FMNL2: variants seen among roughly 807,000 people sequenced by gnomAD.
FMNL2 encodes the protein formin-like protein 2.
In FMNL2, 51 loss-of-function variants were observed where a neutral mutation model predicts 130.2. The ratio of observed to expected loss-of-function variants is 0.39; its 90% confidence interval spans 0.31 to 0.49. The LOEUF is 0.49. Ranked by LOEUF, FMNL2 falls within the 20% of genes least tolerant of loss-of-function variation. The pLI is 0.85. For synonymous variants in FMNL2, 465 were observed against 467.1 expected, an observed-to-expected ratio of 1.00 and a Z score of 0.06; for missense variants, 977 against 1,316.2, an observed-to-expected ratio of 0.74 and a Z score of 3.99.
Position 152,471,725 on chromosome 2 carries a change from G to A in FMNL2, c.118-50218G>A, listed in dbSNP as rs1054473809. The stretch of plus-strand genomic sequence containing the variant: ...TGGCTTGGAGGCCTGTTACGAGTTC[G>A]TTTGAGGTTCTGGATGATGGTGATG... On this transcript the variant is annotated intron_variant, in intron 1 of 25. Coordinates refer to ENST00000288670, the MANE Select transcript of FMNL2 (RefSeq NM_052905.4). Among the ~76,000 whole-genome samples, 13 of 152,138 alleles carry A rather than the reference G, an allele frequency of 8.5e-5. No homozygotes were observed. The East Asian group carries it at 2.3e-3, about 27-fold the overall frequency.
At chr2:152,581,785 A>G (rs892559433) in intron 9 of FMNL2, among the ~76,000 whole-genome samples, 2 of 152,218 alleles carry the variant, frequency 1.3e-5, no homozygotes, top group Non-Finnish European at 2.9e-5. Flanking sequence ...GAGAAATTAC[A>G]AAGTAGTCCT....
At chr2:152,410,738 C>T (rs1686236515) in intron 1 of FMNL2, among the ~76,000 whole-genome samples, 1 of 152,200 alleles carries the variant, frequency 6.6e-6, no homozygotes, top group Admixed American at 6.5e-5. Context: ...TTTTTATTCC[C>T]TTAACATAAA....
At chr2:152,643,125 G>C (rs879513424) in intron 25 of FMNL2, among the ~76,000 whole-genome samples, 1 of 152,038 alleles carries the variant, frequency 6.6e-6, no homozygotes, top group Non-Finnish European at 1.5e-5. Flanking sequence ...TTTTCTATTT[G>C]CTTGATCTAA....
At chr2:152,570,083 T>G (rs1215395199) in intron 6 of FMNL2, among the ~76,000 whole-genome samples, 3 of 152,190 alleles carry the variant, frequency 2.0e-5, no homozygotes, top group Non-Finnish European at 4.4e-5. Flanking sequence ...ATACTAGCAT[T>G]GAGTTATAAC....
chr2:152,422,884 G>A (rs949230216), intron 1 of FMNL2, among the ~76,000 whole-genome samples: 2 of 152,062 alleles, frequency 1.3e-5, no homozygotes, highest in African/African-American at 2.4e-5. Flanking sequence ...AATCTAATTT[G>A]GAAATACTTC....
At chr2:152,352,325 G>T in intron 1 of FMNL2, among the ~76,000 whole-genome samples, 1 of 152,130 alleles carries the variant, frequency 6.6e-6, no homozygotes, top group East Asian at 1.9e-4. Context: ...TGAAAGGTAG[G>T]TATATCCCTG....
chr2:152,568,999 A>T (rs568593308), intron 6 of FMNL2, among the ~76,000 whole-genome samples: 10 of 152,258 alleles, frequency 6.6e-5, no homozygotes, highest in Admixed American at 2.0e-4. Context: ...TAGACACACC[A>T]CTTAGTACTT....
intron 1 of FMNL2, among the ~76,000 whole-genome samples, chr2:152,357,099 T>G: frequency 8.1e-6 from 1 of 123,652 alleles, no homozygotes; most frequent in African/African-American, 3.4e-5. Context: ...TTACATAAGT[T>G]TAATGTATCA....
At chr2:152,548,071 C>T (rs979277903) in intron 3 of FMNL2, among the ~76,000 whole-genome samples, 30 of 152,194 alleles carry the variant, frequency 2.0e-4, no homozygotes, top group African/African-American at 5.1e-4. Context: ...AAAGAAGCCC[C>T]GAGGGATTCC....
At chr2:152,584,652 C>T (rs767527481) in intron 9 of FMNL2, among the ~76,000 whole-genome samples, 7 of 152,124 alleles carry the variant, frequency 4.6e-5, no homozygotes, top group Non-Finnish European at 8.8e-5. Flanking sequence ...GATTTTTCCC[C>T]CTCTACCTCT....
intron 1 of FMNL2, among the ~76,000 whole-genome samples, chr2:152,443,960 C>T (rs1353686295): frequency 1.3e-5 from 2 of 152,180 alleles, no homozygotes; most frequent in South Asian, 2.1e-4. Flanking sequence ...GGAAGTCCGT[C>T]GTGCATTCAC....
chr2:152,498,477 C>T (rs532591870), intron 1 of FMNL2, among the ~76,000 whole-genome samples: 1 of 152,188 alleles, frequency 6.6e-6, no homozygotes, highest in South Asian at 2.1e-4. Context: ...TTTATATTAT[C>T]TGGGTTGTCA....
At chr2:152,480,633 T>TAAAAAA (rs58943356) in intron 1 of FMNL2, among the ~76,000 whole-genome samples, 5 of 37,388 alleles carry the variant, frequency 1.3e-4, no homozygotes, top group East Asian at 1.1e-3. Flanking sequence ...AGACTCTGTC[T>TAAAAAA]AAAAAAAAAA....
At chr2:152,389,338 ATAAG>A in intron 1 of FMNL2, among the ~76,000 whole-genome samples, 1 of 152,308 alleles carries the variant, frequency 6.6e-6, no homozygotes. Flanking sequence ...AGCAGAAAGG[ATAAG>A]TAAGCTCTCT....
chr2:152,498,602 A>G (rs1356427564), intron 1 of FMNL2, among the ~76,000 whole-genome samples: 2 of 152,110 alleles, frequency 1.3e-5, no homozygotes, highest in African/African-American at 2.4e-5. Flanking sequence ...TATTACTTCT[A>G]TGTTGTCACA....
intron 1 of FMNL2, among the ~76,000 whole-genome samples, chr2:152,505,015 G>C (rs73016035): frequency 0.024 from 3,721 of 152,278 alleles, 160 homozygotes; most frequent in African/African-American, 0.085. Context: ...CAGAAATCAA[G>C]TTAGAGGGAT....
chr2:152,573,620 C>T (rs761631400), intron 6 of FMNL2, among the ~76,000 whole-genome samples: 1 of 152,044 alleles, frequency 6.6e-6, no homozygotes, highest in Non-Finnish European at 1.5e-5. Flanking sequence ...TGTTATTGGT[C>T]GTGATGGAGG....
intron 1 of FMNL2, among the ~76,000 whole-genome samples, chr2:152,341,157 C>A (rs917898455): frequency 6.6e-6 from 1 of 152,132 alleles, no homozygotes; most frequent in African/African-American, 2.4e-5. Flanking sequence ...ATTCTTTCTC[C>A]TGTTGTGAGG....
At chr2:152,403,509 A>C (rs768303191) in intron 1 of FMNL2, among the ~76,000 whole-genome samples, 3 of 150,610 alleles carry the variant, frequency 2.0e-5, no homozygotes, top group Non-Finnish European at 4.4e-5. Context: ...AGCTTTGACC[A>C]TTGGGAGCTC....
Sources: allele counts gnomAD v4.1 joint callset (sites outside exome capture counted in the v4.1 genomes callset), GRCh38; gene constraint gnomAD v4.1.1; transcripts MANE v1.5; gene names NCBI Gene and HGNC (gene_info 2026-07-23, HGNC 2026-07-21).